The following MBTPS1 variants were observed in gnomAD, a reference collection of about 807,000 sequenced individuals.
MBTPS1 encodes membrane bound transcription factor peptidase, site 1, also known as membrane-bound transcription factor site-1 protease.
A neutral mutation model predicts 127.8 loss-of-function variants in MBTPS1; 94 were observed. The observed-to-expected ratio is 0.74, with a 90% CI of 0.62 to 0.87. The LOEUF (loss-of-function observed/expected upper bound fraction) is 0.87, where lower values mean the gene tolerates loss of function less well. Among genes scored for constraint, MBTPS1 ranks in the 40% least tolerant of loss-of-function variants. The pLI is 0.00. For synonymous variants in MBTPS1, 632 were observed against 509.4 expected (o/e 1.24, Z -3.24); for missense variants, 1,636 against 1,353.2 (o/e 1.21, Z -3.28).
intron 6 of MBTPS1, 131 bp downstream of exon 6, chr16:84,093,057 C>T (rs1022953632): frequency 3.5e-5 from 24 of 680,096 alleles, no homozygotes; most frequent in Middle Eastern, 6.0e-4. Context: ...ACTGAGCATG[C>T]GTGCTGCAGT....
In MBTPS1 at chr16:84,098,876, C is replaced by T. The variant is rs115877721; in HGVS notation, c.421+177G>A. The stretch of plus-strand genomic sequence containing the variant: ...AAAAAATAATTCTGCCCCCCCAACA[C>T]CGACCCTGCGCACTAAACAAAACTA... On this transcript the variant is annotated intron_variant, in intron 3 of 22. Transcript: ENST00000343411. Among the ~76,000 whole-genome samples, 508 of 152,182 alleles carry T rather than the reference C, an allele frequency of 3.3e-3. 3 individuals are homozygous for T. Among genetic ancestry groups the T allele is most frequent in the African/African-American group, 0.011 (468 of 41,510 alleles).
chr16:84,103,988 C>A (rs2086291179), intron 1 of MBTPS1, among the ~76,000 whole-genome samples: 1 of 152,158 alleles, frequency 6.6e-6, no homozygotes, highest in Admixed American at 6.5e-5. Flanking sequence ...CCTAAAGCCA[C>A]CCTAACAGGT....
At position 84,093,304 on chromosome 16, in the gene MBTPS1, TC is replaced by T; in HGVS notation, c.737-8del. On this transcript the variant is annotated splice_polypyrimidine_tract_variant and splice_region_variant and intron_variant, in intron 5 of 22. Transcript: ENST00000343411. ...AATGTGCCATGGCCCAACCCTGCAG[TC>T]CATAAAGAAAACAATCCCATAAAAC... 1 of 1,585,750 alleles carries T rather than the reference TC, an allele frequency of 6.3e-7. No individual in the cohort carries two copies. Among genetic ancestry groups the T allele is most frequent in the Non-Finnish European group, 8.7e-7 (1 of 1,154,198 alleles).
At position 84,070,001 on chromosome 16, in the gene MBTPS1, A is replaced by T; in HGVS notation, c.1820T>A (p.Leu607His). The T allele has an allele frequency of 1.2e-6, 2 of 1,613,856 alleles. No homozygotes were observed. The highest frequency in any genetic ancestry group is 2.2e-5 in the South Asian group (2 of 91,012). Residue 607 changes from leucine (L) to histidine (H), a missense_variant, in exon 14 of 23, where the codon CTC becomes CAC. Transcript: ENST00000343411. ...NGAEQTSTVKLPIKVKIIPTP... is the reference protein window; with the variant it reads ...NGAEQTSTVKHPIKVKIIPTP... Reference sequence around the variant, plus strand: ...AGGAATTATCTTCACCTTAATGGGGAGCTTTACTGTTGAAGTCTGTTCTGC... The same window carrying T: ...AGGAATTATCTTCACCTTAATGGGGTGCTTTACTGTTGAAGTCTGTTCTGC...
At chr16:84,088,332 C>T (rs2086059177) in intron 8 of MBTPS1, among the ~76,000 whole-genome samples, 1 of 152,062 alleles carries the variant, frequency 6.6e-6, no homozygotes, top group South Asian at 2.1e-4. Context: ...TCCCAACACA[C>T]CGAGAAAAAG....
intron 2 of MBTPS1, among the ~76,000 whole-genome samples, chr16:84,099,775 C>CA (rs57148184): frequency 0.018 from 1,378 of 76,182 alleles, 8 homozygotes; most frequent in African/African-American, 0.021. Context: ...GCCTCCGTCT[C>CA]AAAAAAAAAA....
chr16:84,084,914 C>G (rs2085998043), intron 10 of MBTPS1, 69 bp downstream of exon 10: 1 of 1,535,422 alleles, frequency 6.5e-7, no homozygotes, highest in African/African-American at 1.4e-5. Context: ...GACACGACTC[C>G]TGCTCTGCTG....
chr16:84,057,126 TAG>T (rs1223794867), intron 21 of MBTPS1: 1 of 152,162 alleles, frequency 6.6e-6, no homozygotes, highest in Non-Finnish European at 1.5e-5. Flanking sequence ...CTGGTCTGAG[TAG>T]AGGTTCCCTA....
intron 1 of MBTPS1, among the ~76,000 whole-genome samples, chr16:84,103,256 A>ATTTT (rs1345813573): frequency 7.3e-6 from 1 of 137,526 alleles, no homozygotes; most frequent in African/African-American, 2.8e-5. Context: ...TATTATTATT[A>ATTTT]TTTTTTTTTT....
intron 1 of MBTPS1, among the ~76,000 whole-genome samples, chr16:84,112,637 G>A (rs1024423908): frequency 2.0e-5 from 3 of 149,982 alleles, no homozygotes; most frequent in East Asian, 3.9e-4. Flanking sequence ...ACTCCAGCCC[G>A]GGCAACAGAG....
At position 84,069,871 on chromosome 16, in the gene MBTPS1, T is replaced by C. The variant is rs964507055; in HGVS notation, c.1950A>G (p.Leu650=). Residue 650 remains leucine (L), a synonymous_variant, in exon 14 of 23, where the codon TTA becomes TTG. Coordinates refer to ENST00000343411, the MANE Select transcript of MBTPS1 (RefSeq NM_003791.4). ...RDNLRMKNDP[L]DWNGDHIHTN... The stretch of plus-strand genomic sequence containing the variant: ...GCATCCTGTGAGGTGCTTACCAGTC[T>C]AAAGGGTCATTCTTCATCCTTAAAT... 1 of 1,613,656 alleles carries C rather than the reference T, an allele frequency of 6.2e-7. No individual in the cohort carries two copies. Among genetic ancestry groups the C allele is most frequent in the Non-Finnish European group, 8.5e-7 (1 of 1,179,930 alleles).
intron 10 of MBTPS1, 125 bp downstream of exon 10, chr16:84,084,858 G>T: frequency 1.1e-6 from 1 of 911,932 alleles, no homozygotes; most frequent in Non-Finnish European, 1.7e-6. Context: ...ACAGAGCAAG[G>T]CTGTGAAGGG....
intron 3 of MBTPS1, among the ~76,000 whole-genome samples, chr16:84,097,837 CGT>C (rs71382894): frequency 0.032 from 4,547 of 143,040 alleles, 137 homozygotes; most frequent in East Asian, 0.093. Context: ...AACTTCTCTT[CGT>C]GTGTGTGTGT....
At position 84,063,353 on chromosome 16, in the gene MBTPS1, C is replaced by A. The variant is rs755449425; in HGVS notation, c.2524G>T (p.Val842Leu). The change falls in exon 19 of 23, where the codon GTA becomes TTA. Residue 842 changes from valine (V) to leucine (L), a missense_variant. By Grantham distance (32) the Val-to-Leu change is conservative. Transcript: ENST00000343411. ...QIPAEGGGRI[V>L]LYGDSNCLDD... ...AAGCAATTGGAGTCCCCATACAGTACAATCCGGCCTCCACCCTCAGCTGGA... is the reference window on the plus strand; with the variant it reads ...AAGCAATTGGAGTCCCCATACAGTAAAATCCGGCCTCCACCCTCAGCTGGA... The A allele has an allele frequency of 3.1e-6, 5 of 1,614,142 alleles. No homozygotes were observed. Among genetic ancestry groups the A allele is most frequent in the Non-Finnish European group, 3.4e-6 (4 of 1,179,986 alleles).
At chr16:84,056,945 G>C (rs577459683) in intron 21 of MBTPS1, 1 of 152,362 alleles carries the variant, frequency 6.6e-6, no homozygotes, top group Non-Finnish European at 1.5e-5. Flanking sequence ...TCTGGCTTAA[G>C]TGAGGGGGAA....
At chr16:84,062,932 C>T (rs1334441482) in intron 19 of MBTPS1, among the ~76,000 whole-genome samples, 2 of 152,198 alleles carry the variant, frequency 1.3e-5, no homozygotes, top group Non-Finnish European at 2.9e-5. Flanking sequence ...GGCGCCCCCT[C>T]GTGGCAGTGC....
At chr16:84,055,861 AAAG>A in intron 22 of MBTPS1, 141 bp downstream of exon 22, 2 of 843,774 alleles carry the variant, frequency 2.4e-6, no homozygotes, top group Non-Finnish European at 3.7e-6. Context: ...TTGTGCCACA[AAAG>A]AAGCCAAGAG....
chr16:84,098,548 G>A (rs1234127776), intron 3 of MBTPS1, among the ~76,000 whole-genome samples: 1 of 151,958 alleles, frequency 6.6e-6, no homozygotes, highest in African/African-American at 2.4e-5. Flanking sequence ...TGGAGGTTGA[G>A]GTGAGCCAAG....
At chr16:84,105,826 A>C (rs1351934706) in intron 1 of MBTPS1, among the ~76,000 whole-genome samples, 1 of 152,178 alleles carries the variant, frequency 6.6e-6, no homozygotes, top group African/African-American at 2.4e-5. Context: ...CAACTCATCT[A>C]GTGAGAAACT....
Sources: allele counts gnomAD v4.1 joint callset (sites outside exome capture counted in the v4.1 genomes callset), GRCh38; gene constraint gnomAD v4.1.1; transcripts MANE v1.5; gene names NCBI Gene and HGNC (gene_info 2026-07-23, HGNC 2026-07-21).